VNN1: variants seen among roughly 807,000 people sequenced by gnomAD.
VNN1 encodes vanin 1.
VNN1 carries 29 observed loss-of-function variants against 41.9 expected under a neutral mutation model. The observed-to-expected ratio is 0.69, with a 90% CI of 0.52 to 0.94. VNN1 has a LOEUF of 0.94. Among genes scored for constraint, VNN1 ranks in the 40% least tolerant of loss-of-function variants. VNN1 has a pLI of 0.00. For missense variants in VNN1, 637 were observed against 621.1 expected (o/e 1.03, Z -0.27); for synonymous variants, 233 against 224.4 (o/e 1.04, Z -0.34).
chr6:132,693,956 T>C, intron 3 of VNN1, 34 bp downstream of exon 3: 1 of 1,610,830 alleles, frequency 6.2e-7, no homozygotes. Flanking sequence ...TCATTAGGCA[T>C]TAACTAATTG....
chr6:132,692,505 C>T lies in VNN1; in HGVS notation c.906G>A (p.Ser302=), dbSNP rs139355374. 4,319 of 1,613,044 alleles carry T rather than the reference C, an allele frequency of 2.7e-3. 12 individuals are homozygous for T. The highest frequency in any genetic ancestry group is 3.3e-3 in the Non-Finnish European group (3,879 of 1,179,952). The change falls in exon 5 of 7, where the codon TCG becomes TCA. Residue 302 remains serine (S), a synonymous_variant. Coordinates refer to ENST00000367928, the MANE Select transcript of VNN1 (RefSeq NM_004666.3). ...MKTEEGKLLL[S]QLDSHPSHSA... Reference sequence around the variant, plus strand: ...AATGGGATGGGTGGGAATCCAGTTGCGAGAGGAGGAGTTTTCCCTCTTCTG... The same window carrying T: ...AATGGGATGGGTGGGAATCCAGTTGTGAGAGGAGGAGTTTTCCCTCTTCTG...
chr6:132,694,213 T>C, intron 2 of VNN1, 31 bp from the exon 3 acceptor site: 1 of 1,535,742 alleles, frequency 6.5e-7, no homozygotes, highest in Non-Finnish European at 8.7e-7. Flanking sequence ...GAAAAAAATC[T>C]TTGTAAATCA....
At chr6:132,709,558 G>A (rs1161245778) in intron 2 of VNN1, among the ~76,000 whole-genome samples, 1 of 151,944 alleles carries the variant, frequency 6.6e-6, no homozygotes, top group East Asian at 1.9e-4. Flanking sequence ...GTCATCTTCG[G>A]GAGGCTGAGG....
At chr6:132,697,356 A>G (rs935870940) in intron 2 of VNN1, among the ~76,000 whole-genome samples, 1 of 152,148 alleles carries the variant, frequency 6.6e-6, no homozygotes, top group Non-Finnish European at 1.5e-5. Flanking sequence ...CAGGGGATTC[A>G]TTAGGAAGCT....
chr6:132,705,107 G>T (rs931843153), intron 2 of VNN1, among the ~76,000 whole-genome samples: 1 of 151,892 alleles, frequency 6.6e-6, no homozygotes, highest in Non-Finnish European at 1.5e-5. Flanking sequence ...AACAATTAAA[G>T]AACTAATACA....
At chr6:132,701,580 G>A (rs1001325704) in intron 2 of VNN1, among the ~76,000 whole-genome samples, 1 of 152,170 alleles carries the variant, frequency 6.6e-6, no homozygotes, top group Non-Finnish European at 1.5e-5. Flanking sequence ...AATAAAAGAT[G>A]AGGAGGAAGC....
At chr6:132,709,636 C>G (rs1778569106) in intron 2 of VNN1, among the ~76,000 whole-genome samples, 1 of 147,514 alleles carries the variant, frequency 6.8e-6, no homozygotes, top group Non-Finnish European at 1.5e-5. Context: ...TGCACTCCAG[C>G]TTGGGCGACA....
chr6:132,694,113 T>C lies in VNN1; in HGVS notation c.411A>G (p.Ala137=), dbSNP rs2019165. The change falls in exon 3 of 7, where the codon GCA becomes GCG. Residue 137 remains alanine (A), a synonymous_variant. Transcript: ENST00000367928. ...LAKNNSIYVV[A]NIGDKKPCDT... ...CGCATGGCTTCTTGTCCCCAATATT[T>C]GCCACAACATAGATAGAGTTGTTCT... 2 of 1,613,956 alleles carry C rather than the reference T, an allele frequency of 1.2e-6. No homozygotes were observed. Among genetic ancestry groups the C allele is most frequent in the South Asian group, 2.2e-5 (2 of 91,082 alleles).
rs777509373 is a variant in VNN1 at position 132,692,541 on chromosome 6, A to G, written c.870T>C (p.Tyr290=). Residue 290 remains tyrosine (Y), a synonymous_variant, in exon 5 of 7, where the codon TAT becomes TAC. Transcript: ENST00000367928. ...YAPNSSRAFH[Y]DMKTEEGKLL... ...GTTTTCCCTCTTCTGTCTTCATATC[A>G]TAATGAAATGCTCTTGAAGAATTGG... The G allele has an allele frequency of 6.2e-7, 1 of 1,605,024 alleles. No homozygotes were observed. Among genetic ancestry groups the G allele is most frequent in the East Asian group, 2.2e-5 (1 of 44,844 alleles).
In VNN1 at chr6:132,683,333, C is replaced by T. The variant is rs1481294814; in HGVS notation, c.1360-11G>A. 1.2e-6 allele frequency: 2 copies of T among 1,602,182 alleles called. No individual in the cohort carries two copies. Among genetic ancestry groups the T allele is most frequent in the Non-Finnish European group, 1.7e-6 (2 of 1,176,824 alleles). On this transcript the variant is annotated splice_polypyrimidine_tract_variant and intron_variant, in intron 6 of 6. Transcript: ENST00000367928. Reference sequence around the variant, plus strand: ...TCCGTCAGTTGACACCTGATTAAAACAAAAAAGTAGGCAAAGGCTACCTTC... The same window carrying T: ...TCCGTCAGTTGACACCTGATTAAAATAAAAAAGTAGGCAAAGGCTACCTTC...
chr6:132,695,278 T>C (rs1778352815), intron 2 of VNN1, among the ~76,000 whole-genome samples: 2 of 152,336 alleles, frequency 1.3e-5, no homozygotes, highest in South Asian at 4.1e-4. Context: ...TGTCTAATAT[T>C]ACTATTTTGG....
intron 1 of VNN1, 53 bp from the exon 2 acceptor site, chr6:132,711,892 G>A: frequency 2.5e-6 from 4 of 1,587,300 alleles, no homozygotes; most frequent in African/African-American, 2.7e-5. Context: ...GAGCTGAGGA[G>A]CTGAGTGGCT....
At chr6:132,695,060 G>C (rs1169059660) in intron 2 of VNN1, among the ~76,000 whole-genome samples, 1 of 152,156 alleles carries the variant, frequency 6.6e-6, no homozygotes, top group Admixed American at 6.5e-5. Flanking sequence ...GCTGAGGTGG[G>C]AGAATTGCTT....
At chr6:132,709,643 GAC>G (rs1250275722) in intron 2 of VNN1, among the ~76,000 whole-genome samples, 2 of 143,466 alleles carry the variant, frequency 1.4e-5, no homozygotes, top group African/African-American at 5.5e-5. Context: ...CAGCTTGGGC[GAC>G]ACAGAGTCTC....
chr6:132,702,270 G>C (rs1778458398), intron 2 of VNN1, among the ~76,000 whole-genome samples: 1 of 152,214 alleles, frequency 6.6e-6, no homozygotes. Flanking sequence ...GTTGTGAACT[G>C]TGCATCTGAG....
chr6:132,694,388 T>C (rs1356757471), intron 2 of VNN1, among the ~76,000 whole-genome samples: 1 of 152,228 alleles, frequency 6.6e-6, no homozygotes, highest in Non-Finnish European at 1.5e-5. Flanking sequence ...GAACCTACTG[T>C]AGGATAAGAT....
At chr6:132,701,444 A>G (rs1441099583) in intron 2 of VNN1, among the ~76,000 whole-genome samples, 1 of 152,208 alleles carries the variant, frequency 6.6e-6, no homozygotes, top group African/African-American at 2.4e-5. Flanking sequence ...CTAACATCCT[A>G]TGGAATGGGG....
chr6:132,687,364 C>G (rs1224394784), intron 5 of VNN1, among the ~76,000 whole-genome samples: 1 of 152,206 alleles, frequency 6.6e-6, no homozygotes, highest in Non-Finnish European at 1.5e-5. Flanking sequence ...CACTCTCTTT[C>G]CGGAAACTGT....
intron 6 of VNN1, 135 bp from the exon 7 acceptor site, chr6:132,683,457 T>C (rs1778157784): frequency 1.1e-6 from 1 of 943,314 alleles, no homozygotes; most frequent in African/African-American, 1.7e-5. Flanking sequence ...AAATTTGAAA[T>C]GTTGCCAAGT....
Sources: allele counts gnomAD v4.1 joint callset (sites outside exome capture counted in the v4.1 genomes callset), GRCh38; gene constraint gnomAD v4.1.1; transcripts MANE v1.5; gene names NCBI Gene and HGNC (gene_info 2026-07-23, HGNC 2026-07-21).